Variants in GARNL3 observed in about 807,000 individuals in gnomAD.
GARNL3 encodes GTPase activating Rap/RanGAP domain like 3, also known as GTPase-activating Rap/Ran-GAP domain-like protein 3.
GARNL3 carries 63 observed loss-of-function variants against 125.0 expected under a neutral mutation model. The observed-to-expected ratio is 0.50, with a 90% CI of 0.41 to 0.62. The LOEUF is 0.62. Ranked by LOEUF, GARNL3 falls within the 20% of genes least tolerant of loss-of-function variation. The pLI is 0.00. For synonymous variants in GARNL3, 439 were observed against 457.5 expected (o/e 0.96, Z 0.52); for missense variants, 994 against 1,244.0 (o/e 0.80, Z 3.02).
At chr9:127,291,367 G>C in intron 2 of GARNL3, 125 bp downstream of exon 2, 1 of 782,788 alleles carries the variant, frequency 1.3e-6, no homozygotes, top group Non-Finnish European at 2.1e-6. Flanking sequence ...GAAGCAAATG[G>C]AAGGGAAATG....
intron 1 of GARNL3, among the ~76,000 whole-genome samples, chr9:127,237,937 G>T (rs1370013459): frequency 6.6e-6 from 1 of 152,140 alleles, no homozygotes; most frequent in Non-Finnish European, 1.5e-5. Context: ...GATTGTCTTT[G>T]CTCCTGTGCA....
intron 3 of GARNL3, 75 bp downstream of exon 3, chr9:127,311,810 T>A (rs2065106214): frequency 9.8e-7 from 1 of 1,017,694 alleles, no homozygotes; most frequent in Admixed American, 1.8e-5. Flanking sequence ...ACTTCTGGTA[T>A]CCTATATGAG....
intron 1 of GARNL3, among the ~76,000 whole-genome samples, chr9:127,289,859 A>C (rs2064363152): frequency 6.6e-6 from 1 of 152,238 alleles, no homozygotes. Flanking sequence ...ATCTGATGTC[A>C]TCAAAAAAAC....
intron 1 of GARNL3, among the ~76,000 whole-genome samples, chr9:127,277,795 C>T (rs1003954036): frequency 6.6e-6 from 1 of 152,132 alleles, no homozygotes; most frequent in Non-Finnish European, 1.5e-5. Context: ...TTTTTCCATG[C>T]AGCCTTACCT....
intron 2 of GARNL3, chr9:127,300,086 A>T: frequency 3.2e-6 from 1 of 316,566 alleles, no homozygotes. Flanking sequence ...ACAGATTTTC[A>T]AAATCACTTC....
intron 5 of GARNL3, 62 bp from the exon 6 acceptor site, chr9:127,320,653 T>A: frequency 2.5e-6 from 3 of 1,193,444 alleles, no homozygotes; most frequent in Non-Finnish European, 3.7e-6. Flanking sequence ...CAGCTGTGAT[T>A]TTCTAGAAGC....
chr9:127,303,398 A>G (rs1305600470), intron 2 of GARNL3, among the ~76,000 whole-genome samples: 2 of 152,314 alleles, frequency 1.3e-5, no homozygotes, highest in East Asian at 1.9e-4. Flanking sequence ...ATTCAGACCA[A>G]TCTAGTAGCA....
At chr9:127,284,493 T>A (rs1030904133) in intron 1 of GARNL3, among the ~76,000 whole-genome samples, 1 of 152,152 alleles carries the variant, frequency 6.6e-6, no homozygotes, top group Admixed American at 6.5e-5. Flanking sequence ...TTATAATTTC[T>A]GCTCTGATCT....
intron 3 of GARNL3, among the ~76,000 whole-genome samples, chr9:127,312,772 T>A (rs1346445546): frequency 2.0e-5 from 3 of 152,188 alleles, no homozygotes; most frequent in African/African-American, 7.2e-5. Context: ...GTGTGGGGGA[T>A]ACAGAAGCAG....
At position 127,384,973 on chromosome 9, in the gene GARNL3, C is replaced by T. The variant is rs1832462786; in HGVS notation, c.2270-54C>T. 1 of 1,051,986 alleles carries T rather than the reference C, an allele frequency of 9.5e-7. No individual in the cohort carries two copies. Among genetic ancestry groups the T allele is most frequent in the Non-Finnish European group, 1.4e-6 (1 of 690,924 alleles). 65.2% of individuals were successfully genotyped at this position (1,051,986 alleles called of 1,614,324 possible). A position where few individuals can be genotyped will look rare whatever the true frequency, so the allele number is the denominator to read the frequency against. Reference sequence around the variant, plus strand: ...GTGTGACTATGACACAGTCACAGCCCCTTCGCGGCCACCAAGCCAGCAGCT... The same window carrying T: ...GTGTGACTATGACACAGTCACAGCCTCTTCGCGGCCACCAAGCCAGCAGCT... On this transcript the variant is annotated intron_variant, in intron 23 of 27. Coordinates refer to ENST00000373387, the MANE Select transcript of GARNL3 (RefSeq NM_032293.5). The surrounding 1 kb of genome is among the most constrained non-coding windows in gnomAD (Gnocchi z 4.0).
chr9:127,350,110 A>G (rs1830348307), intron 17 of GARNL3, among the ~76,000 whole-genome samples: 2 of 152,176 alleles, frequency 1.3e-5, no homozygotes, highest in African/African-American at 2.4e-5. Flanking sequence ...TATGTGTTTC[A>G]ATTGTGTGCC....
chr9:127,293,948 C>T (rs954275922), intron 2 of GARNL3, among the ~76,000 whole-genome samples: 1 of 152,204 alleles, frequency 6.6e-6, no homozygotes. Flanking sequence ...GTGGTCACCA[C>T]ACCTCAGAGA....
chr9:127,309,740 C>T (rs192695641), intron 2 of GARNL3, among the ~76,000 whole-genome samples: 5 of 146,164 alleles, frequency 3.4e-5, no homozygotes, highest in African/African-American at 4.8e-5. Flanking sequence ...ACAGTTGCCC[C>T]CCAAAAAAAG....
intron 4 of GARNL3, 129 bp from the exon 5 acceptor site, chr9:127,317,934 T>TTC: frequency 2.7e-6 from 2 of 735,174 alleles, no homozygotes; most frequent in Non-Finnish European, 5.0e-6. Flanking sequence ...AATGTGTTTA[T>TTC]TCATATACAT....
chr9:127,299,567 T>C (rs1403308374), intron 2 of GARNL3, among the ~76,000 whole-genome samples: 1 of 151,884 alleles, frequency 6.6e-6, no homozygotes, highest in African/African-American at 2.4e-5. Flanking sequence ...TTTTTGTTTT[T>C]GTTTTTGTTT....
chr9:127,265,127 G>A (rs2063675489), intron 1 of GARNL3, 106 bp downstream of exon 1: 3 of 911,272 alleles, frequency 3.3e-6, no homozygotes, highest in Non-Finnish European at 3.3e-6. Context: ...GACCATGTGG[G>A]TACAGTGTAA....
At chr9:127,389,593 T>C (rs1832721710) in intron 26 of GARNL3, among the ~76,000 whole-genome samples, 1 of 152,076 alleles carries the variant, frequency 6.6e-6, no homozygotes, top group Admixed American at 6.6e-5. Flanking sequence ...GGTCTGTGGA[T>C]AGAACAGATG....
intron 7 of GARNL3, among the ~76,000 whole-genome samples, chr9:127,328,769 C>T (rs1163228554): frequency 1.3e-5 from 2 of 152,172 alleles, no homozygotes; most frequent in Non-Finnish European, 2.9e-5. Context: ...AACTATAATT[C>T]ATAGCATACT....
At chr9:127,283,787 C>G (rs1330680943) in intron 1 of GARNL3, among the ~76,000 whole-genome samples, 2 of 152,156 alleles carry the variant, frequency 1.3e-5, no homozygotes, top group Non-Finnish European at 2.9e-5. Flanking sequence ...GCCAAATGAT[C>G]ACTTAAGTCG....
Sources: allele counts gnomAD v4.1 joint callset (sites outside exome capture counted in the v4.1 genomes callset), GRCh38; gene constraint gnomAD v4.1.1; non-coding constraint Gnocchi (gnomAD v3.1); transcripts MANE v1.5; gene names NCBI Gene and HGNC (gene_info 2026-07-23, HGNC 2026-07-21).